Variants in PTPRD observed in about 807,000 individuals in gnomAD.
PTPRD encodes the protein protein tyrosine phosphatase receptor type D.
Under a neutral mutation model 214.5 loss-of-function variants are expected in PTPRD, and 34 were observed. The ratio of observed to expected loss-of-function variants is 0.16; its 90% CI spans 0.12 to 0.21. The LOEUF is 0.21. Among genes scored for constraint, PTPRD ranks in the 10% least tolerant of loss-of-function variants. PTPRD has a pLI of 1.00. For missense variants in PTPRD, 2,545 were observed against 2,398.7 expected, an observed-to-expected ratio of 1.06 and a Z score of -1.27; for synonymous variants, 1,128 against 845.7, an observed-to-expected ratio of 1.33 and a Z score of -5.79.
chr9:8,929,833 GTATATATA>G (rs34252958), intron 11 of PTPRD, among the ~76,000 whole-genome samples: 3 of 97,318 alleles, frequency 3.1e-5, no homozygotes, highest in South Asian at 6.7e-4. Flanking sequence ...ATATATATGT[GTATATATA>G]TGTGTGTATA....
At chr9:10,286,722 C>T (rs558432444) in intron 3 of PTPRD, among the ~76,000 whole-genome samples, 3 of 152,136 alleles carry the variant, frequency 2.0e-5, no homozygotes, top group Admixed American at 2.0e-4. Context: ...CTACAGCATC[C>T]CAAGTAGCTG....
intron 3 of PTPRD, among the ~76,000 whole-genome samples, chr9:10,212,188 C>G (rs935697324): frequency 5.9e-5 from 9 of 151,844 alleles, no homozygotes; most frequent in African/African-American, 1.9e-4. Flanking sequence ...GACCATAAGC[C>G]GTAAATCAAG....
intron 10 of PTPRD, among the ~76,000 whole-genome samples, chr9:9,149,310 T>C (rs2154486746): frequency 6.6e-6 from 1 of 152,342 alleles, no homozygotes; most frequent in East Asian, 1.9e-4. Flanking sequence ...GTGTTAGCTA[T>C]TGTTATTGCC....
chr9:9,338,282 T>G (rs1384658757), intron 9 of PTPRD, among the ~76,000 whole-genome samples: 1 of 152,210 alleles, frequency 6.6e-6, no homozygotes, highest in Admixed American at 6.5e-5. Flanking sequence ...TATTCCATGT[T>G]AGGAATTCCA....
At chr9:8,349,125 G>A (rs962376844) in intron 39 of PTPRD, among the ~76,000 whole-genome samples, 1 of 152,064 alleles carries the variant, frequency 6.6e-6, no homozygotes, top group African/African-American at 2.4e-5. Context: ...ACATTTCCCC[G>A]AAGCCCCCAG....
intron 4 of PTPRD, among the ~76,000 whole-genome samples, chr9:9,939,281 A>C (rs2153963558): frequency 6.6e-6 from 1 of 152,266 alleles, no homozygotes; most frequent in East Asian, 1.9e-4. Flanking sequence ...TGTACTGCAC[A>C]CAAATAGAGC....
intron 3 of PTPRD, among the ~76,000 whole-genome samples, chr9:10,249,198 G>GA (rs980910946): frequency 4.0e-5 from 6 of 151,810 alleles, no homozygotes; most frequent in East Asian, 1.9e-4. Flanking sequence ...GAAGGAGATA[G>GA]AAAAAAAAGG....
At chr9:10,050,429 G>A (rs564819433) in intron 3 of PTPRD, among the ~76,000 whole-genome samples, 18 of 150,854 alleles carry the variant, frequency 1.2e-4, no homozygotes, top group Non-Finnish European at 1.9e-4. Context: ...GCGTGGTGGC[G>A]CGCGTCTGTA....
chr9:9,816,446 G>A (rs1236296164), intron 5 of PTPRD, among the ~76,000 whole-genome samples: 1 of 151,830 alleles, frequency 6.6e-6, no homozygotes, highest in Non-Finnish European at 1.5e-5. Flanking sequence ...TTGCTAAAGT[G>A]CTTTGGTACA....
At chr9:10,246,856 T>C (rs2092192434) in intron 3 of PTPRD, among the ~76,000 whole-genome samples, 1 of 151,618 alleles carries the variant, frequency 6.6e-6, no homozygotes, top group Admixed American at 6.6e-5. Flanking sequence ...ATCACACCAT[T>C]GCACTCCAGT....
chr9:10,258,305 G>T (rs991010517), intron 3 of PTPRD, among the ~76,000 whole-genome samples: 1 of 152,194 alleles, frequency 6.6e-6, no homozygotes, highest in Non-Finnish European at 1.5e-5. Context: ...CATGGGAGCT[G>T]AGGGCTTTTG....
At chr9:8,688,554 G>A (rs1260723633) in intron 12 of PTPRD, among the ~76,000 whole-genome samples, 1 of 141,496 alleles carries the variant, frequency 7.1e-6, no homozygotes, top group African/African-American at 2.6e-5. Context: ...GATAGAGCGA[G>A]ACTCTGTCTC....
chr9:9,807,082 T>G (rs12345269), intron 5 of PTPRD, among the ~76,000 whole-genome samples: 4,301 of 152,246 alleles, frequency 0.028, 221 homozygotes, highest in African/African-American at 0.099. Flanking sequence ...CAAGTATATT[T>G]CTTTTTGTTT....
Position 9,759,555 on chromosome 9 carries a change from C to CTTTTTTTTTTTTTTTTTTTTTT in PTPRD, c.-326+7254_-326+7255insAAAAAAAAAAAAAAAAAAAAAA, listed in dbSNP as rs3050068. Among the ~76,000 whole-genome samples, 14 of 117,812 alleles carry CTTTTTTTTTTTTTTTTTTTTTT rather than the reference C, an allele frequency of 1.2e-4. 2 individuals carry two copies. In the East Asian group the frequency reaches 1.4e-3, roughly 12 times the overall value. The allele number at this position is 117,812 out of a possible 152,430, so 77.3% of individuals were successfully genotyped here. A position where few individuals can be genotyped will look rare whatever the true frequency, so the allele number is the denominator to read the frequency against. ...ACATCTTCAAATAGTCAAGGTCTGTCTTTTTTTTTTTTTTTTTTTTGAGAT... is the reference window on the plus strand; with the variant it reads ...ACATCTTCAAATAGTCAAGGTCTGTCTTTTTTTTTTTTTTTTTTTTTTTTTTTTTTTTTTTTTTTTTTGAGAT... On this transcript the variant is annotated intron_variant, in intron 6 of 45. Transcript: ENST00000381196.
intron 5 of PTPRD, among the ~76,000 whole-genome samples, chr9:9,852,430 G>C (rs1457937305): frequency 1.3e-5 from 2 of 151,910 alleles, no homozygotes; most frequent in Non-Finnish European, 2.9e-5. Context: ...AAAACTATTA[G>C]ATATGGAGAT....
At chr9:9,292,814 G>A (rs1951636581) in intron 9 of PTPRD, among the ~76,000 whole-genome samples, 1 of 151,190 alleles carries the variant, frequency 6.6e-6, no homozygotes, top group South Asian at 2.1e-4. Context: ...GCATTATATA[G>A]AATGTTCCTC....
chr9:10,243,164 CAG>C (rs1279794746), intron 3 of PTPRD, among the ~76,000 whole-genome samples: 1 of 151,962 alleles, frequency 6.6e-6, no homozygotes, highest in African/African-American at 2.4e-5. Flanking sequence ...GGGAGTTATT[CAG>C]AGACTTCATT....
At chr9:10,361,871 G>A (rs1028174808) in intron 2 of PTPRD, among the ~76,000 whole-genome samples, 3 of 152,162 alleles carry the variant, frequency 2.0e-5, no homozygotes, top group African/African-American at 7.2e-5. Context: ...GAAAGAGCAT[G>A]GAGACATGAG....
At chr9:8,921,958 A>G (rs911962400) in intron 11 of PTPRD, among the ~76,000 whole-genome samples, 2 of 152,194 alleles carry the variant, frequency 1.3e-5, no homozygotes, top group Non-Finnish European at 2.9e-5. Flanking sequence ...TAAAAACAAT[A>G]AAAGGGAAAG....
Sources: allele counts gnomAD v4.1 joint callset (sites outside exome capture counted in the v4.1 genomes callset), GRCh38; gene constraint gnomAD v4.1.1; transcripts MANE v1.5; gene names NCBI Gene and HGNC (gene_info 2026-07-23, HGNC 2026-07-21).